NOL4: variants seen among roughly 807,000 people sequenced by gnomAD.
NOL4 encodes the protein nucleolar protein 4, also known as cancer/testis antigen 125.
NOL4 carries 17 observed loss-of-function variants against 75.9 expected under a neutral mutation model. That is an observed-to-expected ratio of 0.22 (90% CI 0.15 to 0.34). The LOEUF is 0.34. Among genes scored for constraint, NOL4 ranks in the 10% least tolerant of loss-of-function variants. The pLI is 1.00. For synonymous variants in NOL4, 292 were observed against 289.9 expected, an observed-to-expected ratio of 1.01 and a Z score of -0.07; for missense variants, 614 against 793.5, an observed-to-expected ratio of 0.77 and a Z score of 2.72.
At chr18:34,213,654 G>C (rs988348389) in intron 1 of NOL4, among the ~76,000 whole-genome samples, 1 of 152,080 alleles carries the variant, frequency 6.6e-6, no homozygotes, top group African/African-American at 2.4e-5. Context: ...AATGCGTTTA[G>C]ACCCCTTCCC....
chr18:34,139,202 A>C (rs1313445790), intron 1 of NOL4, among the ~76,000 whole-genome samples: 11 of 152,338 alleles, frequency 7.2e-5, no homozygotes, highest in Non-Finnish European at 1.6e-4. Flanking sequence ...AAAATGAGTT[A>C]GGGAGGATTC....
chr18:34,033,561 G>A (rs573914092), intron 5 of NOL4, among the ~76,000 whole-genome samples: 71 of 152,008 alleles, frequency 4.7e-4, no homozygotes, highest in Non-Finnish European at 9.0e-4. Flanking sequence ...AACCCATAAA[G>A]CAATCAAATA....
chr18:33,906,493 G>A (rs1247404956), intron 9 of NOL4, among the ~76,000 whole-genome samples: 3 of 152,118 alleles, frequency 2.0e-5, no homozygotes, highest in Admixed American at 2.0e-4. Flanking sequence ...GAAAGAGTTT[G>A]GAATCAGATA....
intron 6 of NOL4, among the ~76,000 whole-genome samples, chr18:33,989,190 CAAAAAAAAAAAAAAAAA>C (rs55924436): frequency 1.2e-3 from 77 of 65,096 alleles, no homozygotes; most frequent in Non-Finnish European, 1.6e-3. Context: ...CCCATCTCTA[CAAAAAAAAAAAAAAAAA>C]AAAAAAAAAA....
intron 2 of NOL4, among the ~76,000 whole-genome samples, chr18:34,125,935 C>A (rs1160680319): frequency 6.7e-6 from 1 of 150,332 alleles, no homozygotes; most frequent in African/African-American, 2.4e-5. Flanking sequence ...AAACCGTGGA[C>A]TTCCAGGGAT....
In NOL4 at chr18:33,852,986, G is replaced by A; in HGVS notation, c.1773C>T (p.Ser591=). The change falls in exon 11 of 11, where the codon TCC becomes TCT. Residue 591 remains serine, a synonymous_variant. Coordinates refer to ENST00000261592, the MANE Select transcript of NOL4 (RefSeq NM_003787.5). The stretch of plus-strand genomic sequence containing the variant: ...GGGGTCTGGAGTTTGAGCTGCTGGA[G>A]GATCCTGAGCTAGTCGCCAATTGTC... The part of the protein sequence containing the change: ...MKRQLATSSG[S]SSSSNSRPQL... The A allele has an allele frequency of 2.5e-6, 4 of 1,613,052 alleles. No homozygotes were observed. The highest frequency in any genetic ancestry group is 3.4e-6 in the Non-Finnish European group (4 of 1,179,368).
At chr18:33,854,799 T>C (rs961031013) in intron 10 of NOL4, among the ~76,000 whole-genome samples, 4 of 151,770 alleles carry the variant, frequency 2.6e-5, no homozygotes, top group African/African-American at 7.3e-5. Context: ...TCCAAGTTGA[T>C]TGGCATCCTT....
chr18:34,033,976 T>A (rs183067088), intron 5 of NOL4, among the ~76,000 whole-genome samples: 1 of 152,074 alleles, frequency 6.6e-6, no homozygotes, highest in Non-Finnish European at 1.5e-5. Context: ...GAAATAAAAT[T>A]TTTCCCAGAC....
chr18:33,857,088 A>G (rs539954568), intron 10 of NOL4, among the ~76,000 whole-genome samples: 1 of 152,174 alleles, frequency 6.6e-6, no homozygotes, highest in African/African-American at 2.4e-5. Flanking sequence ...AAAAGTCATT[A>G]TAGAATTCTA....
chr18:34,120,483 T>C (rs1363839924), intron 2 of NOL4, among the ~76,000 whole-genome samples: 2 of 152,196 alleles, frequency 1.3e-5, no homozygotes, highest in African/African-American at 2.4e-5. Flanking sequence ...AGCAGAGGAA[T>C]GCACTCTGTC....
At chr18:33,924,433 G>C (rs1349312048) in intron 9 of NOL4, among the ~76,000 whole-genome samples, 3 of 152,168 alleles carry the variant, frequency 2.0e-5, no homozygotes, top group Non-Finnish European at 2.9e-5. Context: ...TAATCCCAGT[G>C]AGTACCTCTC....
At chr18:34,034,509 C>T (rs1348404601) in intron 5 of NOL4, among the ~76,000 whole-genome samples, 2 of 152,128 alleles carry the variant, frequency 1.3e-5, no homozygotes, top group African/African-American at 2.4e-5. Flanking sequence ...GAGGCCAAGT[C>T]GGGTGGATCA....
chr18:33,890,796 T>C (rs1487928453), intron 9 of NOL4, among the ~76,000 whole-genome samples: 1 of 151,954 alleles, frequency 6.6e-6, no homozygotes, highest in African/African-American at 2.4e-5. Context: ...AATACGCAGG[T>C]CAGAGGTAAA....
At chr18:34,145,879 C>A (rs1025637783) in intron 1 of NOL4, among the ~76,000 whole-genome samples, 2 of 151,948 alleles carry the variant, frequency 1.3e-5, no homozygotes, top group African/African-American at 4.8e-5. Context: ...ATGATTTACC[C>A]AAGAAAACAA....
chr18:34,009,335 C>G (rs1402512657), intron 6 of NOL4, among the ~76,000 whole-genome samples: 1 of 151,834 alleles, frequency 6.6e-6, no homozygotes, highest in Non-Finnish European at 1.5e-5. Flanking sequence ...GAAAAGAAAA[C>G]TAGTATTTGC....
chr18:33,953,493 T>C (rs2069400417), intron 8 of NOL4, among the ~76,000 whole-genome samples: 1 of 150,556 alleles, frequency 6.6e-6, no homozygotes, highest in Admixed American at 6.7e-5. Flanking sequence ...AATTGGAAAC[T>C]GTAAGATTTA....
intron 10 of NOL4, among the ~76,000 whole-genome samples, chr18:33,864,303 T>G (rs1291393541): frequency 6.6e-6 from 1 of 152,186 alleles, no homozygotes; most frequent in African/African-American, 2.4e-5. Flanking sequence ...TTCTTTTCTA[T>G]CTCATTGTGA....
At chr18:33,931,425 C>T (rs1193327829) in intron 9 of NOL4, among the ~76,000 whole-genome samples, 1 of 152,008 alleles carries the variant, frequency 6.6e-6, no homozygotes, top group Non-Finnish European at 1.5e-5. Flanking sequence ...TGTATCTGTT[C>T]CCCTGGGAAT....
At chr18:34,118,761 C>T (rs1252734262) in intron 2 of NOL4, among the ~76,000 whole-genome samples, 1 of 152,062 alleles carries the variant, frequency 6.6e-6, no homozygotes, top group Non-Finnish European at 1.5e-5. Context: ...AATGCTCAGA[C>T]AATAATTTTC....
Sources: allele counts gnomAD v4.1 joint callset (sites outside exome capture counted in the v4.1 genomes callset), GRCh38; gene constraint gnomAD v4.1.1; transcripts MANE v1.5; gene names NCBI Gene and HGNC (gene_info 2026-07-23, HGNC 2026-07-21).